EBF2: variants seen among roughly 807,000 people sequenced by gnomAD.
EBF2 encodes the protein transcription factor COE2.
A neutral mutation model predicts 72.8 loss-of-function variants in EBF2; 21 were observed. The ratio of observed to expected loss-of-function variants is 0.29; its 90% CI spans 0.20 to 0.42. The LOEUF (loss-of-function observed/expected upper bound fraction) is 0.42, where lower values mean the gene tolerates loss of function less well. Ranked by LOEUF, EBF2 falls within the 10% of genes least tolerant of loss-of-function variation. The pLI is 1.00. For synonymous variants in EBF2, 299 were observed against 274.2 expected (o/e 1.09, Z -0.89); for missense variants, 637 against 731.2 (o/e 0.87, Z 1.49).
At chr8:25,872,517 C>T (rs758566909) in intron 10 of EBF2, among the ~76,000 whole-genome samples, 3 of 152,136 alleles carry the variant, frequency 2.0e-5, no homozygotes, top group Non-Finnish European at 4.4e-5. Flanking sequence ...GCATTATCTG[C>T]AGAAAGGGAG....
chr8:25,886,267 C>T (rs529210879), intron 10 of EBF2, among the ~76,000 whole-genome samples: 87 of 152,326 alleles, frequency 5.7e-4, no homozygotes, highest in African/African-American at 1.9e-3. Context: ...TCATGTCTTA[C>T]GTGTCATCCA....
chr8:25,931,606 TC>T (rs1446609545), intron 6 of EBF2, among the ~76,000 whole-genome samples: 1 of 152,232 alleles, frequency 6.6e-6, no homozygotes. Flanking sequence ...CTACATTCCT[TC>T]CAATTTAAAA....
At chr8:25,870,305 G>A (rs980309680) in intron 10 of EBF2, among the ~76,000 whole-genome samples, 2 of 151,690 alleles carry the variant, frequency 1.3e-5, no homozygotes, top group Admixed American at 1.3e-4. Context: ...TTTTCGTAGA[G>A]AAAACAGGAA....
intron 6 of EBF2, among the ~76,000 whole-genome samples, chr8:25,959,245 C>A (rs1803996392): frequency 6.6e-6 from 1 of 152,190 alleles, no homozygotes; most frequent in East Asian, 1.9e-4. Context: ...CTCTCTGTCA[C>A]CCAGGCTGGA....
At chr8:25,981,334 G>A (rs1804358270) in intron 6 of EBF2, among the ~76,000 whole-genome samples, 1 of 152,006 alleles carries the variant, frequency 6.6e-6, no homozygotes, top group African/African-American at 2.4e-5. Flanking sequence ...AGAGTACGAA[G>A]TCGATGCTCT....
chr8:25,897,916 A>T (rs1802885185), intron 7 of EBF2, among the ~76,000 whole-genome samples: 1 of 152,008 alleles, frequency 6.6e-6, no homozygotes, highest in South Asian at 2.1e-4. Flanking sequence ...GTTTGATTTT[A>T]TTTTTTTCAT....
intron 6 of EBF2, among the ~76,000 whole-genome samples, chr8:26,009,961 G>A (rs1260020880): frequency 1.3e-5 from 2 of 152,164 alleles, no homozygotes; most frequent in African/African-American, 4.8e-5. Flanking sequence ...CCATTGGCTC[G>A]AACTCCTATT....
chr8:25,923,474 T>G (rs1194207052), intron 6 of EBF2, among the ~76,000 whole-genome samples: 1 of 152,202 alleles, frequency 6.6e-6, no homozygotes, highest in East Asian at 1.9e-4. Flanking sequence ...ATCAAAATCA[T>G]GCAGAACACA....
chr8:26,006,303 A>G (rs760774374), intron 6 of EBF2, among the ~76,000 whole-genome samples: 1 of 152,214 alleles, frequency 6.6e-6, no homozygotes, highest in Admixed American at 6.5e-5. Flanking sequence ...AGTAGTATCT[A>G]CAACAGAGAT....
chr8:25,853,423 T>C (rs1585258439), intron 14 of EBF2, among the ~76,000 whole-genome samples: 1 of 152,036 alleles, frequency 6.6e-6, no homozygotes, highest in East Asian at 1.9e-4. Flanking sequence ...GAGATCCATA[T>C]AGAAACACTC....
At position 26,044,345 on chromosome 8, in the gene EBF2, T is replaced by C. The variant is rs1805663668; in HGVS notation, c.131+384A>G. On this transcript the variant is annotated intron_variant, in intron 1 of 15. Transcript: ENST00000520164. This position sits in a 1 kb window ranked among gnomAD's most constrained non-coding sequence, Gnocchi z 4.1. ...AGCCAAGAGTGGCCAGGAAGCCGGC[T>C]TTCCTCCCGCGCCGCCACTGCCAGC... Among the ~76,000 whole-genome samples the C allele has an allele frequency of 6.6e-6, 1 of 152,252 alleles. No homozygotes were observed. The highest frequency in any genetic ancestry group is 6.5e-5 in the Admixed American group (1 of 15,284).
At chr8:25,999,808 C>G (rs1436029343) in intron 6 of EBF2, among the ~76,000 whole-genome samples, 1 of 152,056 alleles carries the variant, frequency 6.6e-6, no homozygotes, top group Non-Finnish European at 1.5e-5. Flanking sequence ...TTCTGCAGTT[C>G]TCTATTTCCT....
At position 26,005,514 on chromosome 8, in the gene EBF2, A is replaced by T. The variant is rs866927808; in HGVS notation, c.551+27571T>A. ...TATATTATAAAATATAATATATATTATAAAATATATTATATATTATATATA... is the reference window on the plus strand; with the variant it reads ...TATATTATAAAATATAATATATATTTTAAAATATATTATATATTATATATA... On this transcript the variant is annotated intron_variant, in intron 6 of 15. Transcript: ENST00000520164. Among the ~76,000 whole-genome samples the T allele has an allele frequency of 5.1e-4, 27 of 52,958 alleles. 1 individual carries two copies. Among genetic ancestry groups the T allele is most frequent in the African/African-American group, 1.6e-3 (23 of 13,954 alleles). 34.7% of individuals were successfully genotyped at this position (52,958 alleles called of 152,430 possible). A position where few individuals can be genotyped will look rare whatever the true frequency, so the allele number is the denominator to read the frequency against.
intron 7 of EBF2, among the ~76,000 whole-genome samples, chr8:25,890,795 A>G (rs933857424): frequency 2.5e-4 from 38 of 152,210 alleles, no homozygotes; most frequent in Non-Finnish European, 5.4e-4. Flanking sequence ...GGGATGCTCA[A>G]CCAGTAAGTA....
At chr8:26,040,808 CCT>C (rs1805586948) in intron 3 of EBF2, 129 bp downstream of exon 3, 1 of 1,487,790 alleles carries the variant, frequency 6.7e-7, no homozygotes, top group African/African-American at 1.4e-5. Context: ...CTCCCAATCC[CCT>C]GTCCCAGGCA....
At chr8:26,019,437 T>G (rs1013920058) in intron 6 of EBF2, among the ~76,000 whole-genome samples, 1 of 152,240 alleles carries the variant, frequency 6.6e-6, no homozygotes, top group African/African-American at 2.4e-5. Flanking sequence ...GCAATTGGAC[T>G]TCTGCTTCTT....
chr8:25,853,784 A>G (rs976692338), intron 14 of EBF2, among the ~76,000 whole-genome samples: 3 of 152,150 alleles, frequency 2.0e-5, no homozygotes, highest in African/African-American at 7.2e-5. Context: ...AGGCTATGCC[A>G]ATATTAAAAC....
chr8:25,900,589 A>G (rs907580579), intron 7 of EBF2, among the ~76,000 whole-genome samples: 22 of 152,278 alleles, frequency 1.4e-4, no homozygotes, highest in Admixed American at 1.1e-3. Context: ...ATTAAAAATG[A>G]TTATTCTGGT....
intron 6 of EBF2, among the ~76,000 whole-genome samples, chr8:25,924,289 T>C (rs571818825): frequency 6.6e-6 from 1 of 152,322 alleles, no homozygotes; most frequent in African/African-American, 2.4e-5. Flanking sequence ...ATAGCAGATA[T>C]TGTTAATGTT....
Sources: allele counts gnomAD v4.1 joint callset (sites outside exome capture counted in the v4.1 genomes callset), GRCh38; gene constraint gnomAD v4.1.1; non-coding constraint Gnocchi (gnomAD v3.1); transcripts MANE v1.5; gene names NCBI Gene and HGNC (gene_info 2026-07-23, HGNC 2026-07-21).